EFNB2: variants seen among roughly 807,000 people sequenced by gnomAD.
The protein encoded by EFNB2 is ephrin B2, also known as ephrin-B2.
A neutral mutation model predicts 32.1 loss-of-function variants in EFNB2; 5 were observed. The ratio of observed to expected loss-of-function variants is 0.16; its 90% CI spans 0.08 to 0.33. EFNB2 has a LOEUF of 0.33. EFNB2 is among the 10% of genes least tolerant of loss of function. EFNB2 has a pLI of 1.00. For synonymous variants in EFNB2, 168 were observed against 166.5 expected (o/e 1.01, Z -0.07); for missense variants, 263 against 422.6 (o/e 0.62, Z 3.31).
At position 106,518,215 on chromosome 13, in the gene EFNB2, GTAGTCC is replaced by G. The variant is rs1042389047; in HGVS notation, c.123-5409_123-5404del. On this transcript the variant is annotated intron_variant, in intron 1 of 4. Transcript: ENST00000646441. This position sits in a 1 kb window ranked among gnomAD's most constrained non-coding sequence, Gnocchi z 4.1. ...TAGCTGGGCATGGTGGCGGGCGCCT[GTAGTCC>G]TAGTTACTCGGAGGCTGAGACAGAG... The G allele has an allele frequency of 6.6e-6, 1 of 152,194 alleles. No individual in the cohort carries two copies. Among genetic ancestry groups the G allele is most frequent in the Non-Finnish European group, 1.5e-5 (1 of 68,084 alleles). 9.4% of individuals were successfully genotyped at this position (152,194 alleles called of 1,614,324 possible). A position where few individuals can be genotyped will look rare whatever the true frequency, so the allele number is the denominator to read the frequency against.
At chr13:106,508,817 A>T (rs1418608355) in intron 2 of EFNB2, among the ~76,000 whole-genome samples, 1 of 152,260 alleles carries the variant, frequency 6.6e-6, no homozygotes, top group African/African-American at 2.4e-5. Flanking sequence ...GATGCATATC[A>T]GTTTGCCACA....
chr13:106,530,512 AC>A (rs1879834258), intron 1 of EFNB2, among the ~76,000 whole-genome samples: 1 of 152,196 alleles, frequency 6.6e-6, no homozygotes, highest in Non-Finnish European at 1.5e-5. Context: ...TGATAGGAGG[AC>A]CAGTTTAATC....
chr13:106,534,424 C>G (rs993377372), intron 1 of EFNB2, among the ~76,000 whole-genome samples: 2 of 152,156 alleles, frequency 1.3e-5, no homozygotes, highest in Non-Finnish European at 2.9e-5. Context: ...GGCCCCGGAC[C>G]ACGCCGCCCG....
Position 106,518,917 on chromosome 13 carries a change from A to C in EFNB2, c.123-6105T>G, listed in dbSNP as rs1424818837. 2.6e-5 allele frequency: 4 copies of C among 152,220 alleles called. No individual in the cohort carries two copies. The highest frequency in any genetic ancestry group is 4.4e-5 in the Non-Finnish European group (3 of 68,060). 9.4% of individuals were successfully genotyped at this position (152,220 alleles called of 1,614,324 possible). A position where few individuals can be genotyped will look rare whatever the true frequency, so the allele number is the denominator to read the frequency against. ...AGAAAACCCAAATCGCTGGGGGGCC[A>C]CTTGATGCTGCTGTAGTCTCTGAAA... On this transcript the variant is annotated intron_variant, in intron 1 of 4. Transcript: ENST00000646441. The surrounding 1 kb of genome is among the most constrained non-coding windows in gnomAD (Gnocchi z 4.1).
At chr13:106,524,968 G>C (rs1879649439) in intron 1 of EFNB2, among the ~76,000 whole-genome samples, 1 of 152,186 alleles carries the variant, frequency 6.6e-6, no homozygotes. Context: ...AAAGTATTAT[G>C]CTATAGTCTT....
intron 1 of EFNB2, among the ~76,000 whole-genome samples, chr13:106,532,825 G>C (rs979703569): frequency 6.6e-6 from 1 of 151,716 alleles, no homozygotes; most frequent in African/African-American, 2.4e-5. Context: ...ATCAGAATGG[G>C]GGGGGGGAGT....
At chr13:106,509,510 T>C (rs1594168114) in intron 2 of EFNB2, among the ~76,000 whole-genome samples, 1 of 152,188 alleles carries the variant, frequency 6.6e-6, no homozygotes, top group Non-Finnish European at 1.5e-5. Context: ...GTTAAAAATA[T>C]ACATGTAAAT....
chr13:106,522,567 A>C (rs1879559614), intron 1 of EFNB2, among the ~76,000 whole-genome samples: 1 of 152,210 alleles, frequency 6.6e-6, no homozygotes, highest in Admixed American at 6.5e-5. Flanking sequence ...GCATTGAAAA[A>C]ACTCAAAGAA....
At chr13:106,504,993 G>C (rs1878904100) in intron 2 of EFNB2, among the ~76,000 whole-genome samples, 1 of 152,130 alleles carries the variant, frequency 6.6e-6, no homozygotes, top group African/African-American at 2.4e-5. Context: ...AAATTCATAA[G>C]AGCTAACAAA....
chr13:106,493,151 G>A lies in EFNB2; in HGVS notation c.891C>T (p.Asp297=). The part of the protein sequence containing the change: ...SDIIIPLRTA[D]SVFCPHYEKV... The stretch of plus-strand genomic sequence containing the variant: ...TCTCGTAGTGAGGGCAGAAGACGCT[G>A]TCCGCAGTCCTTAGCGGGATGATAA... Residue 297 remains aspartate, a synonymous_variant, in exon 5 of 5, where the codon GAC becomes GAT. Transcript: ENST00000646441. This position sits in a 1 kb window ranked among gnomAD's most constrained non-coding sequence, Gnocchi z 6.1. 1 of 1,614,138 alleles carries A rather than the reference G, an allele frequency of 6.2e-7. No homozygotes were observed. The highest frequency in any genetic ancestry group is 8.5e-7 in the Non-Finnish European group (1 of 1,180,046).
Position 106,510,489 on chromosome 13 carries a change from G to A in EFNB2, c.406+2040C>T, listed in dbSNP as rs529841324. 2.6e-5 allele frequency among the ~76,000 whole-genome samples: 4 copies of A among 152,350 alleles called. No individual in the cohort carries two copies. In the East Asian group the frequency reaches 7.7e-4, roughly 29 times the overall value. On this transcript the variant is annotated intron_variant, in intron 2 of 4. Coordinates refer to ENST00000646441, the MANE Select transcript of EFNB2 (RefSeq NM_004093.4). The stretch of plus-strand genomic sequence containing the variant: ...AAGCTAAAGTAAGAAGAGAGACTCT[G>A]GGTGTGTCGGCATTATCGGTGGACG...
At chr13:106,521,117 G>A (rs2391339) in intron 1 of EFNB2, 66,968 of 150,946 alleles carry the variant, frequency 0.44, 16,526 homozygotes, top group African/African-American at 0.65. Flanking sequence ...AACAAATATC[G>A]TCTGCAACAT....
rs188455658 is a variant in EFNB2 at position 106,512,006 on chromosome 13, G to A, written c.406+523C>T. On this transcript the variant is annotated intron_variant, in intron 2 of 4. Transcript: ENST00000646441. ...TCTGAATCTGGTTTTAATGTGACCT[G>A]TCATCCCCATCTTTCGAATTTATGA... 2.0e-5 allele frequency among the ~76,000 whole-genome samples: 3 copies of A among 152,170 alleles called. No individual in the cohort carries two copies. In the East Asian group the frequency reaches 5.8e-4, roughly 29 times the overall value.
chr13:106,534,992 T>G lies in EFNB2; in HGVS notation c.-28A>C, dbSNP rs370860435. 1 of 1,611,010 alleles carries G rather than the reference T, an allele frequency of 6.2e-7. No individual in the cohort carries two copies. The highest frequency in any genetic ancestry group is 1.3e-5 in the African/African-American group (1 of 74,848). On this transcript the variant is annotated 5_prime_UTR_variant, in exon 1 of 5. Coordinates refer to ENST00000646441, the MANE Select transcript of EFNB2 (RefSeq NM_004093.4). ...CGAAGCCACTCCCAGCTCCGCGCAC[T>G]CCGGGCCAAGAAGGGACTGACGGGA...
At chr13:106,500,912 CACA>C (rs1261770808) in intron 2 of EFNB2, among the ~76,000 whole-genome samples, 2 of 152,118 alleles carry the variant, frequency 1.3e-5, no homozygotes, top group South Asian at 4.1e-4. Context: ...TAAACACAAA[CACA>C]ACAACAAACC....
rs772561077 is a variant in EFNB2 at position 106,494,872 on chromosome 13, C to A, written c.613+9G>T. ...CAGACCTCCATACACACAGATCATGCTGTTATACCTGGATTTGGTTTTACA... is the reference window on the plus strand; with the variant it reads ...CAGACCTCCATACACACAGATCATGATGTTATACCTGGATTTGGTTTTACA... On this transcript the variant is annotated intron_variant, in intron 4 of 4. Transcript: ENST00000646441. The A allele has an allele frequency of 1.9e-6, 3 of 1,602,790 alleles. No homozygotes were observed. Among genetic ancestry groups the A allele is most frequent in the Non-Finnish European group, 2.6e-6 (3 of 1,169,750 alleles).
chr13:106,522,025 A>T (rs1190705454), intron 1 of EFNB2, among the ~76,000 whole-genome samples: 3 of 152,018 alleles, frequency 2.0e-5, no homozygotes, highest in Non-Finnish European at 2.9e-5. Context: ...ATATCAAAAT[A>T]AAAATGCAGG....
chr13:106,496,294 G>T (rs1878587649), intron 2 of EFNB2, among the ~76,000 whole-genome samples: 1 of 152,166 alleles, frequency 6.6e-6, no homozygotes, highest in South Asian at 2.1e-4. Context: ...TTGACGCTCT[G>T]TTTGTCAAGC....
chr13:106,526,921 G>T (rs535099430), intron 1 of EFNB2, among the ~76,000 whole-genome samples: 1 of 152,320 alleles, frequency 6.6e-6, no homozygotes, highest in South Asian at 2.1e-4. Flanking sequence ...ACACAGGTTA[G>T]GTGCCCCGCA....
Sources: gnomAD v4.1 joint callset for allele counts (sites outside exome capture counted in the v4.1 genomes callset) on GRCh38, gnomAD v4.1.1 for gene constraint, Gnocchi (gnomAD v3.1) non-coding constraint, MANE v1.5 for transcripts, NCBI Gene and HGNC (gene_info 2026-07-23, HGNC 2026-07-21) for gene names.